Variants in PIGL observed in about 807,000 individuals in gnomAD.
PIGL encodes the protein N-acetylglucosaminyl-phosphatidylinositol de-N-acetylase.
Under a neutral mutation model 31.1 loss-of-function variants are expected in PIGL, and 22 were observed. The observed-to-expected ratio is 0.71, with a 90% confidence interval of 0.51 to 1.01. PIGL has a LOEUF of 1.01. PIGL is among the 50% of genes least tolerant of loss of function. The probability of loss-of-function intolerance (pLI) is 0.00; values close to 1 mark genes in which losing one functional copy is unlikely to be tolerated. For missense variants in PIGL, 302 were observed against 315.9 expected, an observed-to-expected ratio of 0.96 and a Z score of 0.33; for synonymous variants, 131 against 117.4, an observed-to-expected ratio of 1.12 and a Z score of -0.75.
chr17:16,227,266 C>T (rs1263308426), intron 1 of PIGL, among the ~76,000 whole-genome samples: 4 of 151,460 alleles, frequency 2.6e-5, no homozygotes, highest in Non-Finnish European at 5.9e-5. Context: ...GTGCCACCAT[C>T]ATGACCAGCT....
At chr17:16,246,013 C>T (rs531653488) in intron 2 of PIGL, among the ~76,000 whole-genome samples, 12 of 150,760 alleles carry the variant, frequency 8.0e-5, no homozygotes, top group African/African-American at 2.7e-4. Context: ...TTAGTAGAGA[C>T]GGGGTTTCAC....
At chr17:16,309,740 T>C (rs11650956) in intron 3 of PIGL, among the ~76,000 whole-genome samples, 60,451 of 142,984 alleles carry the variant, frequency 0.42, 13,654 homozygotes, top group Middle Eastern at 0.6. Context: ...TCCAGCCTGG[T>C]CAACAGAGCA....
chr17:16,254,338 A>G (rs1044253511), intron 2 of PIGL, among the ~76,000 whole-genome samples: 10 of 151,892 alleles, frequency 6.6e-5, no homozygotes, highest in Admixed American at 5.3e-4. Flanking sequence ...GCGTGATCTC[A>G]GCTCAATGCA....
chr17:16,284,454 T>C (rs1355930106), intron 2 of PIGL, among the ~76,000 whole-genome samples: 1 of 152,192 alleles, frequency 6.6e-6, no homozygotes, highest in Non-Finnish European at 1.5e-5. Context: ...AGACTGCCTT[T>C]GTAGGACTAA....
chr17:16,233,768 A>G (rs534741332), intron 1 of PIGL, among the ~76,000 whole-genome samples: 1 of 152,294 alleles, frequency 6.6e-6, no homozygotes, highest in South Asian at 2.1e-4. Context: ...AGAATTGTGA[A>G]TGGTGATTCT....
intron 6 of PIGL, 25 bp downstream of exon 6, chr17:16,317,933 C>G (rs1250879950): frequency 3.8e-6 from 6 of 1,570,748 alleles, no homozygotes; most frequent in Non-Finnish European, 5.2e-6. Flanking sequence ...TTCCTGGACA[C>G]CCCAACTCAG....
chr17:16,267,450 C>A (rs7210990), intron 2 of PIGL, among the ~76,000 whole-genome samples: 63,198 of 151,808 alleles, frequency 0.42, 13,975 homozygotes, highest in Middle Eastern at 0.53. Context: ...GAAAAAATAT[C>A]TTTGTATAAG....
chr17:16,256,854 AT>A (rs1474502853), intron 2 of PIGL, among the ~76,000 whole-genome samples: 2 of 151,554 alleles, frequency 1.3e-5, no homozygotes, highest in Non-Finnish European at 2.9e-5. Context: ...CACTAGGGTA[AT>A]TTTTGTGTTT....
chr17:16,303,240 T>G (rs2093012301), intron 3 of PIGL, among the ~76,000 whole-genome samples: 1 of 152,190 alleles, frequency 6.6e-6, no homozygotes, highest in Non-Finnish European at 1.5e-5. Flanking sequence ...CAACATATGT[T>G]GCTGTTTATT....
chr17:16,217,673 C>T, intron 1 of PIGL: 1 of 557,142 alleles, frequency 1.8e-6, no homozygotes, highest in Non-Finnish European at 3.2e-6. Flanking sequence ...ACTACGCCAG[C>T]AGGATTGAGG....
intron 2 of PIGL, among the ~76,000 whole-genome samples, chr17:16,248,350 G>A (rs570438549): frequency 6.0e-4 from 91 of 152,278 alleles, no homozygotes; most frequent in Non-Finnish European, 7.1e-4. Context: ...ATTTTACTTA[G>A]AATTCGCCTC....
intron 3 of PIGL, among the ~76,000 whole-genome samples, chr17:16,309,798 G>A (rs1201825515): frequency 2.6e-5 from 4 of 151,214 alleles, no homozygotes; most frequent in African/African-American, 7.3e-5. Flanking sequence ...TAAACATTAG[G>A]CCGGGCACGG....
intron 1 of PIGL, among the ~76,000 whole-genome samples, chr17:16,222,303 T>C (rs1443697943): frequency 6.6e-6 from 1 of 151,224 alleles, no homozygotes; most frequent in Non-Finnish European, 1.5e-5. Flanking sequence ...AAAATAGGAG[T>C]AGATATATAT....
At chr17:16,268,823 C>T (rs188458568) in intron 2 of PIGL, among the ~76,000 whole-genome samples, 175 of 147,570 alleles carry the variant, frequency 1.2e-3, no homozygotes, top group Non-Finnish European at 1.9e-3. Flanking sequence ...AGTGCAGTGG[C>T]GCAATTTCGG....
In PIGL at chr17:16,326,110, C is replaced by T. The variant is rs2093126304; in HGVS notation, c.*212C>T. On this transcript the variant is annotated 3_prime_UTR_variant, in exon 7 of 7. Coordinates refer to ENST00000225609, the MANE Select transcript of PIGL (RefSeq NM_004278.4). ...CCAAAGAACCAAAAACAAACCACCC[C>T]AAGGATAATAATAGCTACACTGCTA... 1.8e-6 allele frequency: 1 copy of T among 558,620 alleles called. No individual in the cohort carries two copies. Among genetic ancestry groups the T allele is most frequent in the South Asian group, 2.4e-5 (1 of 41,352 alleles). The allele number at this position is 558,620 out of a possible 1,614,324, so 34.6% of individuals were successfully genotyped here. A position where few individuals can be genotyped will look rare whatever the true frequency, so the allele number is the denominator to read the frequency against.
chr17:16,256,959 A>T (rs2092796460), intron 2 of PIGL, among the ~76,000 whole-genome samples: 1 of 152,110 alleles, frequency 6.6e-6, no homozygotes, highest in Non-Finnish European at 1.5e-5. Context: ...AAGTGCTAGG[A>T]TTGCAGGCGT....
chr17:16,244,130 A>C (rs1339515603), intron 2 of PIGL, among the ~76,000 whole-genome samples: 2 of 152,168 alleles, frequency 1.3e-5, no homozygotes, highest in Non-Finnish European at 2.9e-5. Context: ...TGATCTTAGC[A>C]GTTTAGGGAG....
chr17:16,316,514 G>A (rs2093077672), intron 4 of PIGL, among the ~76,000 whole-genome samples, 167 bp from the exon 5 acceptor site: 1 of 152,110 alleles, frequency 6.6e-6, no homozygotes, highest in African/African-American at 2.4e-5. Flanking sequence ...TGTTGCCAGA[G>A]GTATGGGATC....
intron 2 of PIGL, among the ~76,000 whole-genome samples, chr17:16,285,473 T>TA (rs1274148633): frequency 6.6e-6 from 1 of 152,016 alleles, no homozygotes; most frequent in African/African-American, 2.4e-5. Flanking sequence ...TAATCCCAGC[T>TA]ACTGGGGATG....
Sources: allele counts gnomAD v4.1 joint callset (sites outside exome capture counted in the v4.1 genomes callset), GRCh38; gene constraint gnomAD v4.1.1; transcripts MANE v1.5; gene names NCBI Gene and HGNC (gene_info 2026-07-23, HGNC 2026-07-21).